The following IMMP1L variants were observed in gnomAD, a reference collection of about 807,000 sequenced individuals.
IMMP1L encodes mitochondrial inner membrane protease subunit 1.
Under a neutral mutation model 21.8 loss-of-function variants are expected in IMMP1L, and 24 were observed. The ratio of observed to expected loss-of-function variants is 1.10; its 90% confidence interval spans 0.80 to 1.55. IMMP1L has a LOEUF of 1.55. Among genes scored for constraint, IMMP1L ranks in the 40% most tolerant of loss-of-function variants. The pLI is 0.00. For synonymous variants in IMMP1L, 46 were observed against 62.8 expected, an observed-to-expected ratio of 0.73 and a Z score of 1.26; for missense variants, 195 against 200.7, an observed-to-expected ratio of 0.97 and a Z score of 0.17.
intron 1 of IMMP1L, among the ~76,000 whole-genome samples, chr11:31,476,655 A>G (rs948294635): frequency 1.3e-5 from 2 of 152,060 alleles, no homozygotes; most frequent in Non-Finnish European, 2.9e-5. Flanking sequence ...CTATGAGATA[A>G]AATCCAAGTT....
At chr11:31,477,521 T>C (rs1954766124) in intron 1 of IMMP1L, 2 of 984,102 alleles carry the variant, frequency 2.0e-6, no homozygotes, top group South Asian at 4.7e-5. Flanking sequence ...GTTGTTGTTG[T>C]TTATAAAATT....
At chr11:31,504,299 A>G (rs1955718439) in intron 1 of IMMP1L, among the ~76,000 whole-genome samples, 1 of 152,232 alleles carries the variant, frequency 6.6e-6, no homozygotes, top group Admixed American at 6.5e-5. Context: ...ATTTGTAATG[A>G]ATTTATTTGG....
At chr11:31,433,193 A>G (rs1213027946) in intron 5 of IMMP1L, among the ~76,000 whole-genome samples, 1 of 152,200 alleles carries the variant, frequency 6.6e-6, no homozygotes, top group Non-Finnish European at 1.5e-5. Flanking sequence ...GAGTTGTACA[A>G]GAGAGAACTG....
intron 1 of IMMP1L, among the ~76,000 whole-genome samples, chr11:31,484,721 T>G (rs1163770060): frequency 6.6e-6 from 1 of 151,822 alleles, no homozygotes; most frequent in Admixed American, 6.6e-5. Context: ...ATTTTGCACT[T>G]CCACAACCTA....
At chr11:31,499,778 T>C (rs1313928378) in intron 1 of IMMP1L, among the ~76,000 whole-genome samples, 1 of 152,096 alleles carries the variant, frequency 6.6e-6, no homozygotes, top group East Asian at 1.9e-4. Flanking sequence ...AGAGGTCATA[T>C]TACCCGCAAA....
chr11:31,439,358 T>C (rs1424973344), intron 4 of IMMP1L, among the ~76,000 whole-genome samples: 1 of 152,146 alleles, frequency 6.6e-6, no homozygotes, highest in Admixed American at 6.5e-5. Context: ...TTTTCTTTTG[T>C]AGTTTCTGAT....
At chr11:31,500,407 G>A (rs901557185) in intron 1 of IMMP1L, among the ~76,000 whole-genome samples, 1 of 152,054 alleles carries the variant, frequency 6.6e-6, no homozygotes, top group Non-Finnish European at 1.5e-5. Flanking sequence ...TAAAACAAGA[G>A]ATATAGAATT....
In IMMP1L at chr11:31,509,616, A is replaced by G. The variant is rs1955933000; in HGVS notation, c.-127T>C. 5 of 691,904 alleles carry G rather than the reference A, an allele frequency of 7.2e-6. No individual in the cohort carries two copies. Among genetic ancestry groups the G allele is most frequent in the Non-Finnish European group, 1.2e-5 (5 of 418,114 alleles). 42.9% of individuals were successfully genotyped at this position (691,904 alleles called of 1,614,324 possible). ...AGTCGACCGTCCTTTCGTAGGGCGC[A>G]CTTTTCAGCAATACGCCTTCCGATT... On this transcript the variant is annotated 5_prime_UTR_variant, in exon 1 of 6. Coordinates refer to ENST00000532287, the MANE Select transcript of IMMP1L (RefSeq NM_001304274.2).
intron 1 of IMMP1L, among the ~76,000 whole-genome samples, chr11:31,486,508 T>C (rs573168840): frequency 6.6e-6 from 1 of 151,998 alleles, no homozygotes; most frequent in Non-Finnish European, 1.5e-5. Context: ...CTTTACTATA[T>C]ATGTAAGGCC....
chr11:31,479,006 C>T (rs1188692143), intron 1 of IMMP1L, among the ~76,000 whole-genome samples: 1 of 152,028 alleles, frequency 6.6e-6, no homozygotes, highest in Non-Finnish European at 1.5e-5. Flanking sequence ...TAATCAGCTT[C>T]TTCCACCCAT....
chr11:31,432,686 A>G, intron 5 of IMMP1L, 118 bp from the exon 6 acceptor site: 1 of 672,792 alleles, frequency 1.5e-6, no homozygotes, highest in Non-Finnish European at 2.7e-6. Context: ...CTCCTTACTC[A>G]TCAATCAAGA....
At chr11:31,508,016 TG>T (rs1955834899) in intron 1 of IMMP1L, among the ~76,000 whole-genome samples, 3 of 151,548 alleles carry the variant, frequency 2.0e-5, no homozygotes, top group African/African-American at 7.3e-5. Context: ...TTTGTAGGGG[TG>T]GGGGGACAGA....
intron 4 of IMMP1L, among the ~76,000 whole-genome samples, chr11:31,453,318 A>C (rs2133615788): frequency 6.6e-6 from 1 of 152,340 alleles, no homozygotes. Context: ...CCAATGAACA[A>C]TTTTGGTGTT....
chr11:31,457,067 A>G (rs1953972777), intron 3 of IMMP1L, among the ~76,000 whole-genome samples: 1 of 151,980 alleles, frequency 6.6e-6, no homozygotes, highest in South Asian at 2.1e-4. Context: ...AAAAGGTAAA[A>G]GCATCATCCA....
chr11:31,494,217 C>T (rs956812365), intron 1 of IMMP1L, among the ~76,000 whole-genome samples: 5 of 152,262 alleles, frequency 3.3e-5, no homozygotes, highest in Non-Finnish European at 7.3e-5. Flanking sequence ...CAGGCATTTC[C>T]ATATATCCTC....
intron 1 of IMMP1L, 55 bp from the exon 2 acceptor site, chr11:31,463,360 A>G: frequency 7.0e-7 from 1 of 1,424,062 alleles, no homozygotes; most frequent in Non-Finnish European, 9.2e-7. Context: ...AACACTTAAG[A>G]AATAACTATT....
chr11:31,476,756 A>T (rs1954744286), intron 1 of IMMP1L, among the ~76,000 whole-genome samples: 1 of 152,196 alleles, frequency 6.6e-6, no homozygotes, highest in South Asian at 2.1e-4. Flanking sequence ...TACGTTGCAT[A>T]CTGTTTGGGT....
chr11:31,440,814 C>G (rs1429910098), intron 4 of IMMP1L, among the ~76,000 whole-genome samples: 1 of 152,094 alleles, frequency 6.6e-6, no homozygotes, highest in Non-Finnish European at 1.5e-5. Context: ...GTGGAGTCTC[C>G]TTTATGTTTT....
intron 3 of IMMP1L, 108 bp from the exon 4 acceptor site, chr11:31,456,494 T>G (rs1378547685): frequency 1.2e-5 from 10 of 820,168 alleles, no homozygotes; most frequent in Non-Finnish European, 1.7e-5. Context: ...GCCATAACCT[T>G]TATCCTCTCA....
Sources: allele counts gnomAD v4.1 joint callset (sites outside exome capture counted in the v4.1 genomes callset), GRCh38; gene constraint gnomAD v4.1.1; transcripts MANE v1.5; gene names NCBI Gene and HGNC (gene_info 2026-07-23, HGNC 2026-07-21).